The following POU6F2 variants were observed in gnomAD, a reference collection of about 807,000 sequenced individuals.
POU6F2 encodes POU class 6 homeobox 2.
A neutral mutation model predicts 71.3 loss-of-function variants in POU6F2; 31 were observed. The observed-to-expected ratio is 0.43, with a 90% CI of 0.33 to 0.59. The LOEUF (loss-of-function observed/expected upper bound fraction) is 0.59. Ranked by LOEUF, POU6F2 falls within the 20% of genes least tolerant of loss-of-function variation. POU6F2 has a pLI of 0.04. For synonymous variants in POU6F2, 347 were observed against 355.7 expected, an observed-to-expected ratio of 0.98 and a Z score of 0.27; for missense variants, 783 against 856.8, an observed-to-expected ratio of 0.91 and a Z score of 1.07.
At chr7:39,017,950 C>T (rs73363508) in intron 1 of POU6F2, among the ~76,000 whole-genome samples, 3,643 of 151,788 alleles carry the variant, frequency 0.024, 147 homozygotes, top group African/African-American at 0.084. Flanking sequence ...TATTCTTTTC[C>T]TATTAGTTAT....
intron 5 of POU6F2, among the ~76,000 whole-genome samples, chr7:39,359,716 T>C (rs1000789913): frequency 6.6e-6 from 1 of 152,114 alleles, no homozygotes; most frequent in African/African-American, 2.4e-5. Flanking sequence ...CAAAGTTAAT[T>C]TTTCTCATAA....
At position 39,172,395 on chromosome 7, in the gene POU6F2, G is replaced by A. The variant is rs567941142; in HGVS notation, c.278-31840G>A. ...TGAACTTCTACAGAGTAATTCCTTG[G>A]TCACATAGTGGCTTATTCTATAGGA... On this transcript the variant is annotated intron_variant, in intron 2 of 9. Coordinates refer to ENST00000518318, the MANE Select transcript of POU6F2 (RefSeq NM_001370959.1). Among the ~76,000 whole-genome samples, 3 of 152,046 alleles carry A rather than the reference G, an allele frequency of 2.0e-5. No homozygotes were observed. The East Asian group carries it at 5.8e-4, about 29-fold the overall frequency.
intron 5 of POU6F2, among the ~76,000 whole-genome samples, chr7:39,396,711 C>T (rs1271430457): frequency 3.3e-5 from 5 of 152,256 alleles, no homozygotes; most frequent in Middle Eastern, 3.4e-3. Flanking sequence ...TACTCTCCAG[C>T]GCCTGGCCTC....
chr7:39,353,628 T>C (rs1786189890), intron 5 of POU6F2, among the ~76,000 whole-genome samples: 1 of 152,208 alleles, frequency 6.6e-6, no homozygotes, highest in African/African-American at 2.4e-5. Context: ...GGGCTTTTCT[T>C]CCTTTCTTTT....
chr7:39,264,246 C>T (rs959117445), intron 4 of POU6F2, among the ~76,000 whole-genome samples: 2 of 152,128 alleles, frequency 1.3e-5, no homozygotes, highest in Admixed American at 1.3e-4. Flanking sequence ...TAGAATGAGG[C>T]CTGGCATACA....
chr7:39,313,811 A>G (rs1785210149), intron 4 of POU6F2, among the ~76,000 whole-genome samples: 1 of 152,180 alleles, frequency 6.6e-6, no homozygotes, highest in African/African-American at 2.4e-5. Flanking sequence ...CAGAAAGGTA[A>G]ATTTTTCCGT....
chr7:39,320,188 A>G (rs777993918), intron 4 of POU6F2, among the ~76,000 whole-genome samples: 11 of 152,236 alleles, frequency 7.2e-5, no homozygotes, highest in Non-Finnish European at 1.5e-4. Context: ...GAAGAGAATA[A>G]AAACCAACAA....
At chr7:39,273,653 GC>G (rs1784379417) in intron 4 of POU6F2, among the ~76,000 whole-genome samples, 1 of 152,094 alleles carries the variant, frequency 6.6e-6, no homozygotes, top group South Asian at 2.1e-4. Flanking sequence ...ACTGGAAAAA[GC>G]CTGTAAGACT....
chr7:39,338,690 G>A (rs763693194), intron 4 of POU6F2, among the ~76,000 whole-genome samples: 5 of 152,122 alleles, frequency 3.3e-5, no homozygotes, highest in Non-Finnish European at 7.4e-5. Flanking sequence ...CTTTTAGATT[G>A]AGATTTAGGC....
At chr7:39,246,051 A>C (rs542150290) in intron 4 of POU6F2, among the ~76,000 whole-genome samples, 1 of 152,338 alleles carries the variant, frequency 6.6e-6, no homozygotes, top group Non-Finnish European at 1.5e-5. Context: ...ATGCTCAGAG[A>C]GAAAGAAACA....
intron 4 of POU6F2, among the ~76,000 whole-genome samples, chr7:39,335,977 TG>T (rs2115592415): frequency 6.6e-6 from 1 of 152,298 alleles, no homozygotes; most frequent in East Asian, 1.9e-4. Context: ...CAGCCCTTGC[TG>T]GTGGCTGCCC....
chr7:38,982,389 T>A (rs1215346807), intron 1 of POU6F2, among the ~76,000 whole-genome samples: 4 of 152,172 alleles, frequency 2.6e-5, no homozygotes, highest in East Asian at 3.8e-4. Flanking sequence ...TTAAGGATTA[T>A]TCTTTCTTAT....
chr7:39,203,277 G>A (rs1466453922), intron 2 of POU6F2, among the ~76,000 whole-genome samples: 1 of 152,082 alleles, frequency 6.6e-6, no homozygotes, highest in East Asian at 1.9e-4. Flanking sequence ...GGTTTGAATT[G>A]TCTTCCACTT....
Position 39,406,633 on chromosome 7 carries a change from G to A in POU6F2, c.1006G>A (p.Ala336Thr), listed in dbSNP as rs765097323. ...TAATCCACTAGCAAGTCAGGCTGCAGCGGCTGCAGCAGCCATGAGCTCCAT... is the reference window on the plus strand; with the variant it reads ...TAATCCACTAGCAAGTCAGGCTGCAACGGCTGCAGCAGCCATGAGCTCCAT... Reference protein sequence around the residue: ...VNNPLASQAAAAAAAMSSIAS... With the variant: ...VNNPLASQAATAAAAMSSIAS... Residue 336 changes from alanine to threonine, a missense_variant, in exon 6 of 10, where the codon GCG becomes ACG. Physicochemically the swap from Ala to Thr is moderately conservative, Grantham distance 58. This residue lies in a region of POU6F2 where 572 missense variants were observed against 572.9 expected (regional missense o/e 1.00). Transcript: ENST00000518318. 1.2e-6 allele frequency: 2 copies of A among 1,613,294 alleles called. No individual in the cohort carries two copies. Among genetic ancestry groups the A allele is most frequent in the South Asian group, 1.1e-5 (1 of 91,070 alleles).
At chr7:39,366,399 CATA>C (rs1227545082) in intron 5 of POU6F2, among the ~76,000 whole-genome samples, 2 of 152,106 alleles carry the variant, frequency 1.3e-5, no homozygotes, top group Non-Finnish European at 2.9e-5. Flanking sequence ...CCCCAGCAGT[CATA>C]ATTCCACAAG....
chr7:39,173,880 G>A (rs1793275289), intron 2 of POU6F2, among the ~76,000 whole-genome samples: 1 of 152,234 alleles, frequency 6.6e-6, no homozygotes, highest in South Asian at 2.1e-4. Context: ...CTCTGTGGCT[G>A]TCATGGTAGT....
chr7:39,416,842 A>G (rs865994019), intron 6 of POU6F2, among the ~76,000 whole-genome samples: 52 of 151,662 alleles, frequency 3.4e-4, no homozygotes, highest in African/African-American at 1.2e-3. Context: ...TATCATTGAA[A>G]TGTTGTAATT....
At chr7:39,426,140 C>T (rs1345691757) in intron 6 of POU6F2, among the ~76,000 whole-genome samples, 6 of 152,172 alleles carry the variant, frequency 3.9e-5, no homozygotes, top group Non-Finnish European at 8.8e-5. Flanking sequence ...CATCCTGCTC[C>T]AGCTTGCTAG....
Position 39,319,137 on chromosome 7 carries a change from A to G in POU6F2, c.599-20505A>G, listed in dbSNP as rs145204945. On this transcript the variant is annotated intron_variant, in intron 4 of 9. Coordinates refer to ENST00000518318, the MANE Select transcript of POU6F2 (RefSeq NM_001370959.1). ...CAAAGGGAGACCCTGCCTCATAAAA[A>G]CAAAACAAAACTCCAATTTGATTTG... Among the ~76,000 whole-genome samples, 36 of 152,278 alleles carry G rather than the reference A, an allele frequency of 2.4e-4. 1 individual carries two copies. The East Asian group carries it at 4.1e-3, about 17-fold the overall frequency.
Sources: gnomAD v4.1 joint callset for allele counts (sites outside exome capture counted in the v4.1 genomes callset) on GRCh38, gnomAD v4.1.1 for gene constraint, gnomAD v4.1.1 regional missense constraint, MANE v1.5 for transcripts, NCBI Gene and HGNC (gene_info 2026-07-23, HGNC 2026-07-21) for gene names.